Variants in MED27 observed in about 807,000 individuals in gnomAD.
MED27 encodes the protein mediator complex subunit 27.
MED27 carries 30 observed loss-of-function variants against 38.2 expected under a neutral mutation model. That is an observed-to-expected ratio of 0.79 (90% CI 0.59 to 1.07). The LOEUF is 1.07. Among genes scored for constraint, MED27 ranks in the 50% least tolerant of loss-of-function variants. The probability of loss-of-function intolerance (pLI) is 0.00; values close to 1 mark genes in which losing one functional copy is unlikely to be tolerated. For synonymous variants in MED27, 122 were observed against 153.5 expected, an observed-to-expected ratio of 0.79 and a Z score of 1.52; for missense variants, 289 against 397.5, an observed-to-expected ratio of 0.73 and a Z score of 2.32.
intron 2 of MED27, among the ~76,000 whole-genome samples, chr9:132,061,250 A>C (rs1016338499): frequency 3.3e-5 from 5 of 152,246 alleles, no homozygotes; most frequent in African/African-American, 1.2e-4. Context: ...ACGGTGCCTT[A>C]TTCACAGCAC....
chr9:131,960,592 T>C lies in MED27; in HGVS notation c.480-21118A>G, dbSNP rs7029392. 5.3e-3 allele frequency among the ~76,000 whole-genome samples: 814 copies of C among 152,306 alleles called. 15 individuals carry two copies. The highest frequency in any genetic ancestry group is 0.018 in the African/African-American group (749 of 41,562). On this transcript the variant is annotated intron_variant, in intron 3 of 7. Transcript: ENST00000292035. ...CAGCGTTAAAGTCAACTGCTTAGAA[T>C]TGTGTTAATATAAAGGATTACATGT...
chr9:131,924,826 C>G (rs550542678), intron 4 of MED27, among the ~76,000 whole-genome samples: 2 of 152,128 alleles, frequency 1.3e-5, no homozygotes, highest in East Asian at 3.8e-4. Context: ...CACATCATCA[C>G]CACCTTTAAA....
chr9:131,991,691 T>C (rs1213932792), intron 3 of MED27, among the ~76,000 whole-genome samples: 1 of 152,218 alleles, frequency 6.6e-6, no homozygotes, highest in East Asian at 1.9e-4. Flanking sequence ...GTTTTCAGTG[T>C]CTTGGAGATA....
intron 3 of MED27, among the ~76,000 whole-genome samples, chr9:131,943,450 G>A (rs922014882): frequency 3.9e-5 from 6 of 152,130 alleles, no homozygotes; most frequent in African/African-American, 1.2e-4. Context: ...CGGTGAGCAC[G>A]GCTAGCGTCT....
chr9:131,911,032 G>A (rs903573849), intron 4 of MED27, among the ~76,000 whole-genome samples: 3 of 151,720 alleles, frequency 2.0e-5, no homozygotes, highest in Admixed American at 2.0e-4. Flanking sequence ...AACCATGAGA[G>A]GCTAAATAAA....
chr9:132,045,007 C>A (rs1057187394), intron 2 of MED27, among the ~76,000 whole-genome samples: 1 of 151,946 alleles, frequency 6.6e-6, no homozygotes, highest in Non-Finnish European at 1.5e-5. Flanking sequence ...CTCACAACTA[C>A]TAAGTTTCAA....
intron 4 of MED27, among the ~76,000 whole-genome samples, chr9:131,914,303 C>G (rs1198322666): frequency 6.6e-6 from 1 of 152,166 alleles, no homozygotes; most frequent in African/African-American, 2.4e-5. Flanking sequence ...TGTAGTACAG[C>G]AGAAAGCAAA....
In MED27 at chr9:132,077,601, G is replaced by T. The variant is rs562703278; in HGVS notation, c.204-15C>A. On this transcript the variant is annotated splice_polypyrimidine_tract_variant and intron_variant, in intron 1 of 7. Coordinates refer to ENST00000292035, the MANE Select transcript of MED27 (RefSeq NM_004269.4). ...GTTCCAGCTCACTGAAAAGCAAAGA[G>T]ACAAGGCAAATAAACCTAAGCCCAT... 1.2e-5 allele frequency: 20 copies of T among 1,613,972 alleles called. No individual in the cohort carries two copies. In the East Asian group the frequency reaches 4.5e-4, roughly 36 times the overall value.
chr9:131,896,317 T>C (rs1829832684), intron 4 of MED27, among the ~76,000 whole-genome samples: 1 of 152,358 alleles, frequency 6.6e-6, no homozygotes, highest in African/African-American at 2.4e-5. Flanking sequence ...TGTTTGTAAC[T>C]GCACATTTTA....
At chr9:131,954,766 C>T (rs893693249) in intron 3 of MED27, among the ~76,000 whole-genome samples, 8 of 152,016 alleles carry the variant, frequency 5.3e-5, no homozygotes, top group Non-Finnish European at 8.8e-5. Context: ...CAGGGGTGAA[C>T]GAAACCCATT....
Position 131,860,645 on chromosome 9 carries a change from ACAG to A in MED27, c.826_828del (p.Leu276del). The A allele has an allele frequency of 6.2e-7, 1 of 1,613,400 alleles. No homozygotes were observed. The highest frequency in any genetic ancestry group is 1.3e-5 in the African/African-American group (1 of 75,022). On this transcript the variant is annotated inframe_deletion, in exon 8 of 8. Coordinates refer to ENST00000292035, the MANE Select transcript of MED27 (RefSeq NM_004269.4). This position sits in a 1 kb window ranked among gnomAD's most constrained non-coding sequence, Gnocchi z 5.8. Reference sequence around the variant, plus strand: ...CCGCAGCGCTGGCACGGGGCCTGGAACAGCTTTATGTAACTTCTTAACCAGGTC... The same window carrying A: ...CCGCAGCGCTGGCACGGGGCCTGGAACTTTATGTAACTTCTTAACCAGGTC...
intron 2 of MED27, among the ~76,000 whole-genome samples, chr9:132,067,888 T>C (rs1833844822): frequency 6.6e-6 from 1 of 152,010 alleles, no homozygotes. Flanking sequence ...ATTTTTTGTA[T>C]TTTTTAGTAG....
chr9:132,059,141 T>C (rs1271608350), intron 2 of MED27, among the ~76,000 whole-genome samples: 1 of 152,120 alleles, frequency 6.6e-6, no homozygotes, highest in Non-Finnish European at 1.5e-5. Context: ...TTAACTCACA[T>C]GCAAAGATAA....
chr9:132,010,520 TC>T (rs1832463091), intron 3 of MED27, among the ~76,000 whole-genome samples: 2 of 152,162 alleles, frequency 1.3e-5, no homozygotes, highest in South Asian at 4.1e-4. Context: ...GACCCAGCCA[TC>T]CCATTGCTGG....
intron 2 of MED27, among the ~76,000 whole-genome samples, chr9:132,054,686 A>G (rs1229549477): frequency 1.3e-5 from 2 of 152,186 alleles, no homozygotes; most frequent in South Asian, 2.1e-4. Flanking sequence ...CTAAGATTAC[A>G]GGCATGAGCC....
chr9:131,865,286 T>C (rs1223485929), intron 6 of MED27, among the ~76,000 whole-genome samples: 1 of 152,206 alleles, frequency 6.6e-6, no homozygotes, highest in Non-Finnish European at 1.5e-5. Context: ...AATGTTTTTT[T>C]TTCTTTTAAA....
chr9:131,880,371 C>A (rs1044104948), intron 6 of MED27, among the ~76,000 whole-genome samples: 3 of 152,148 alleles, frequency 2.0e-5, no homozygotes, highest in Non-Finnish European at 4.4e-5. Flanking sequence ...TAATTTAATT[C>A]TTACTTGTCC....
Position 132,060,593 on chromosome 9 carries a change from C to T in MED27, c.348+16849G>A, listed in dbSNP as rs576190250. 2.6e-5 allele frequency among the ~76,000 whole-genome samples: 4 copies of T among 152,324 alleles called. No homozygotes were observed. The South Asian group carries it at 6.2e-4, about 24-fold the overall frequency. The stretch of plus-strand genomic sequence containing the variant: ...CCAAGCTTCTACAGGAAACCCTTTA[C>T]GGTCCCCACCAAGCACACTGTGTTG... On this transcript the variant is annotated intron_variant, in intron 2 of 7. Transcript: ENST00000292035.
intron 4 of MED27, among the ~76,000 whole-genome samples, chr9:131,935,409 C>T (rs1355121062): frequency 6.6e-6 from 1 of 152,112 alleles, no homozygotes; most frequent in Admixed American, 6.5e-5. Flanking sequence ...CTGGTATATG[C>T]AAGAGAATGC....
Sources: gnomAD v4.1 joint callset for allele counts (sites outside exome capture counted in the v4.1 genomes callset) on GRCh38, gnomAD v4.1.1 for gene constraint, Gnocchi (gnomAD v3.1) non-coding constraint, MANE v1.5 for transcripts, NCBI Gene and HGNC (gene_info 2026-07-23, HGNC 2026-07-21) for gene names.